The following TOP1 variants were observed in gnomAD, a reference collection of about 807,000 sequenced individuals.
TOP1 encodes the protein DNA topoisomerase I, also known as DNA topoisomerase 1.
TOP1 carries 10 observed loss-of-function variants against 111.1 expected under a neutral mutation model. The observed-to-expected ratio is 0.09, with a 90% CI of 0.06 to 0.15. The LOEUF is 0.15. TOP1 is among the 10% of genes least tolerant of loss of function. The probability of loss-of-function intolerance (pLI) is 1.00; values close to 1 mark genes in which losing one functional copy is unlikely to be tolerated. For synonymous variants in TOP1, 271 were observed against 302.9 expected, an observed-to-expected ratio of 0.89 and a Z score of 1.10; for missense variants, 474 against 926.7, an observed-to-expected ratio of 0.51 and a Z score of 6.34.
chr20:41,072,803 A>T, intron 3 of TOP1: 2 of 985,436 alleles, frequency 2.0e-6, no homozygotes, highest in Non-Finnish European at 2.4e-6. Context: ...ACAGTCTCCA[A>T]TGTAATGCCC....
Position 41,058,802 on chromosome 20 carries a change from G to A in TOP1, c.59-2592G>A, listed in dbSNP as rs750541960. Among the ~76,000 whole-genome samples, 2 of 152,082 alleles carry A rather than the reference G, an allele frequency of 1.3e-5. No individual in the cohort carries two copies. The highest frequency in any genetic ancestry group is 2.9e-5 in the Non-Finnish European group (2 of 68,030). On this transcript the variant is annotated intron_variant, in intron 2 of 20. Transcript: ENST00000361337. This position sits in a 1 kb window ranked among gnomAD's most constrained non-coding sequence, Gnocchi z 4.2. Reference sequence around the variant, plus strand: ...GGTTAGAATAGAGGGTCCGGAAATAGACCTATAATTATATGACCGCTCGAA... The same window carrying A: ...GGTTAGAATAGAGGGTCCGGAAATAAACCTATAATTATATGACCGCTCGAA...
rs2034310665 is a variant in TOP1, at chr20:41,115,245, T to C, written c.1639-126T>C. The C allele has an allele frequency of 7.2e-5, 45 of 624,682 alleles. No homozygotes were observed. In the East Asian group the frequency reaches 1.3e-3, roughly 18 times the overall value. The allele number at this position is 624,682 out of a possible 1,614,324, so 38.7% of individuals were successfully genotyped here. ...AATGGGGTAAAATGTTAACAGTGAA[T>C]CTCGGTGACGGATGTATGCGTGTTC... On this transcript the variant is annotated intron_variant, in intron 15 of 20. Coordinates refer to ENST00000361337, the MANE Select transcript of TOP1 (RefSeq NM_003286.4). This position sits in a 1 kb window ranked among gnomAD's most constrained non-coding sequence, Gnocchi z 6.3.
chr20:41,037,293 T>A (rs2033201680), intron 2 of TOP1, among the ~76,000 whole-genome samples: 1 of 152,198 alleles, frequency 6.6e-6, no homozygotes, highest in African/African-American at 2.4e-5. Flanking sequence ...AACTTGACCC[T>A]TTTCGATGCA....
chr20:41,057,850 T>C (rs576486617), intron 2 of TOP1, among the ~76,000 whole-genome samples: 1 of 152,328 alleles, frequency 6.6e-6, no homozygotes, highest in South Asian at 2.1e-4. Context: ...CACACATGCT[T>C]TATTCCAGAT....
chr20:41,100,317 C>A lies in TOP1; in HGVS notation c.1163+74C>A. ...CTTTATTGTACTTGGGAATATTTCC[C>A]AGGTTACACAGGACTGTTTGGGAAG... On this transcript the variant is annotated intron_variant, in intron 12 of 20. Transcript: ENST00000361337. The surrounding 1 kb of genome is among the most constrained non-coding windows in gnomAD (Gnocchi z 4.4). 6 of 1,249,632 alleles carry A rather than the reference C, an allele frequency of 4.8e-6. No individual in the cohort carries two copies. Among genetic ancestry groups the A allele is most frequent in the Non-Finnish European group, 6.8e-6 (6 of 885,192 alleles). 77.4% of individuals were successfully genotyped at this position (1,249,632 alleles called of 1,614,324 possible).
rs532463818 is a variant in TOP1, at chr20:41,118,114, G to T, written c.1823-55G>T. The T allele has an allele frequency of 3.6e-5, 57 of 1,584,364 alleles. No homozygotes were observed. The highest frequency in any genetic ancestry group is 5.1e-5 in the Admixed American group (3 of 58,502). Reference sequence around the variant, plus strand: ...GGCACTGGGGGAAGACATACTGTGTGTTCACTTTTGGTGTACAAACTGACC... The same window carrying T: ...GGCACTGGGGGAAGACATACTGTGTTTTCACTTTTGGTGTACAAACTGACC... On this transcript the variant is annotated intron_variant, in intron 17 of 20. Transcript: ENST00000361337. The surrounding 1 kb of genome is among the most constrained non-coding windows in gnomAD (Gnocchi z 4.6).
At chr20:41,070,032 A>G (rs532400313) in intron 3 of TOP1, among the ~76,000 whole-genome samples, 1 of 152,326 alleles carries the variant, frequency 6.6e-6, no homozygotes, top group Admixed American at 6.5e-5. Flanking sequence ...ATTAAATGCC[A>G]TTTCAAAAAG....
In TOP1 at chr20:41,115,490, CA is replaced by C; in HGVS notation, c.1707+52del. 1 of 1,418,446 alleles carries C rather than the reference CA, an allele frequency of 7.0e-7. No homozygotes were observed. Among genetic ancestry groups the C allele is most frequent in the Non-Finnish European group, 1.0e-6 (1 of 1,002,732 alleles). 87.9% of individuals were successfully genotyped at this position (1,418,446 alleles called of 1,614,324 possible). A position where few individuals can be genotyped will look rare whatever the true frequency, so the allele number is the denominator to read the frequency against. ...GAAGGGAGTCCCAGCCAGAGCCTCA[CA>C]GTACCTAAAGGGGAGGGTTGCTGGC... On this transcript the variant is annotated intron_variant, in intron 16 of 20. Coordinates refer to ENST00000361337, the MANE Select transcript of TOP1 (RefSeq NM_003286.4). This position sits in a 1 kb window ranked among gnomAD's most constrained non-coding sequence, Gnocchi z 6.3.
chr20:41,034,202 G>A lies in TOP1; in HGVS notation c.58+4747G>A, dbSNP rs6129734. Among the ~76,000 whole-genome samples the A allele has an allele frequency of 0.12, 18,615 of 152,232 alleles. 1,381 individuals carry two copies. The highest frequency in any genetic ancestry group is 0.24 in the South Asian group (1,151 of 4,828). On this transcript the variant is annotated intron_variant, in intron 2 of 20. Coordinates refer to ENST00000361337, the MANE Select transcript of TOP1 (RefSeq NM_003286.4). This position sits in a 1 kb window ranked among gnomAD's most constrained non-coding sequence, Gnocchi z 4.0. The stretch of plus-strand genomic sequence containing the variant: ...GAGACTTCCAAACTAGTCCTTAAGA[G>A]GCGAATGGGTATTGTGTTTAAAGGA...
chr20:41,039,542 G>C (rs1279980305), intron 2 of TOP1, among the ~76,000 whole-genome samples: 1 of 152,020 alleles, frequency 6.6e-6, no homozygotes, highest in Non-Finnish European at 1.5e-5. Context: ...TAGGCAAAAA[G>C]ATTTAAGTTC....
intron 3 of TOP1, among the ~76,000 whole-genome samples, chr20:41,075,681 A>G (rs1164674968): frequency 6.6e-6 from 1 of 152,226 alleles, no homozygotes; most frequent in South Asian, 2.1e-4. Flanking sequence ...AGTCCCATCT[A>G]GAAGTGACTA....
intron 3 of TOP1, among the ~76,000 whole-genome samples, chr20:41,074,332 A>G (rs2033700461): frequency 6.6e-6 from 1 of 152,206 alleles, no homozygotes; most frequent in Non-Finnish European, 1.5e-5. Flanking sequence ...GAAATTTTGT[A>G]ACCATGCAAA....
intron 2 of TOP1, among the ~76,000 whole-genome samples, chr20:41,051,246 A>G (rs1340201933): frequency 6.6e-6 from 1 of 152,224 alleles, no homozygotes; most frequent in Admixed American, 6.5e-5. Flanking sequence ...GGAGCCCATC[A>G]TATTATACAG....
rs1299825630 is a variant in TOP1 at position 41,109,457 on chromosome 20, T to TA, written c.1309-3322dup. Among the ~76,000 whole-genome samples, 1 of 152,104 alleles carries TA rather than the reference T, an allele frequency of 6.6e-6. No homozygotes were observed. The highest frequency in any genetic ancestry group is 2.4e-5 in the African/African-American group (1 of 41,434). On this transcript the variant is annotated intron_variant, in intron 13 of 20. Coordinates refer to ENST00000361337, the MANE Select transcript of TOP1 (RefSeq NM_003286.4). The surrounding 1 kb of genome is among the most constrained non-coding windows in gnomAD (Gnocchi z 4.1). ...AACACCAACAAGAGAAACAATTGAC[T>TA]AAATGGACTTCATTAAAATTAAAAA...
chr20:41,044,876 T>C (rs2033314151), intron 2 of TOP1, among the ~76,000 whole-genome samples: 1 of 152,206 alleles, frequency 6.6e-6, no homozygotes, highest in Admixed American at 6.5e-5. Flanking sequence ...CTGCAGCCTC[T>C]GCCTCCCAGG....
intron 2 of TOP1, among the ~76,000 whole-genome samples, chr20:41,047,838 C>G (rs910645328): frequency 2.0e-5 from 3 of 152,180 alleles, no homozygotes; most frequent in Non-Finnish European, 4.4e-5. Flanking sequence ...CCAAAGGCAT[C>G]TGAGCCCCAC....
At position 41,116,863 on chromosome 20, in the gene TOP1, T is replaced by G. The variant is rs1351044226; in HGVS notation, c.1822+471T>G. Among the ~76,000 whole-genome samples the G allele has an allele frequency of 6.6e-6, 1 of 151,970 alleles. No individual in the cohort carries two copies. Among genetic ancestry groups the G allele is most frequent in the Non-Finnish European group, 1.5e-5 (1 of 67,962 alleles). ...ATATTATCACCAAGATCCACGGGCT[T>G]TTTTTTTCCTGGAGCCCAGTCACTA... On this transcript the variant is annotated intron_variant, in intron 17 of 20. Coordinates refer to ENST00000361337, the MANE Select transcript of TOP1 (RefSeq NM_003286.4). This position sits in a 1 kb window ranked among gnomAD's most constrained non-coding sequence, Gnocchi z 5.6.
chr20:41,042,815 T>C (rs1200840448), intron 2 of TOP1, among the ~76,000 whole-genome samples: 2 of 152,202 alleles, frequency 1.3e-5, no homozygotes, highest in African/African-American at 2.4e-5. Context: ...TTATATGTAT[T>C]ATATACTATG....
chr20:41,104,765 G>C (rs1267015512), intron 13 of TOP1, among the ~76,000 whole-genome samples: 1 of 152,304 alleles, frequency 6.6e-6, no homozygotes, highest in South Asian at 2.1e-4. Context: ...AAAAAGAAAT[G>C]ATTTCTTGAG....
Sources: gnomAD v4.1 joint callset for allele counts (sites outside exome capture counted in the v4.1 genomes callset) on GRCh38, gnomAD v4.1.1 for gene constraint, Gnocchi (gnomAD v3.1) non-coding constraint, MANE v1.5 for transcripts, NCBI Gene and HGNC (gene_info 2026-07-23, HGNC 2026-07-21) for gene names.